Variants in ZDHHC14 observed in about 807,000 individuals in gnomAD.
ZDHHC14 encodes zDHHC palmitoyltransferase 14.
ZDHHC14 carries 16 observed loss-of-function variants against 47.7 expected under a neutral mutation model. That is an observed-to-expected ratio of 0.34 (90% CI 0.23 to 0.51). The LOEUF (loss-of-function observed/expected upper bound fraction) is 0.51, where lower values mean the gene tolerates loss of function less well. ZDHHC14 is among the 20% of genes least tolerant of loss of function. The probability of loss-of-function intolerance (pLI) is 0.97; values close to 1 mark genes in which losing one functional copy is unlikely to be tolerated. For synonymous variants in ZDHHC14, 293 were observed against 278.9 expected, an observed-to-expected ratio of 1.05 and a Z score of -0.50; for missense variants, 515 against 662.5, an observed-to-expected ratio of 0.78 and a Z score of 2.44.
chr6:157,567,923 A>G (rs1480097255), intron 2 of ZDHHC14, among the ~76,000 whole-genome samples: 1 of 152,220 alleles, frequency 6.6e-6, no homozygotes, highest in Admixed American at 6.5e-5. Flanking sequence ...TAGGGCTGCC[A>G]GAAGGCCAAG....
At chr6:157,414,546 A>G (rs962591813) in intron 1 of ZDHHC14, among the ~76,000 whole-genome samples, 24 of 152,196 alleles carry the variant, frequency 1.6e-4, no homozygotes, top group African/African-American at 5.8e-4. Context: ...CCAAGACAGT[A>G]TATGACTATG....
chr6:157,495,695 A>ATTTTTTTTTTTT lies in ZDHHC14; in HGVS notation c.246-46874_246-46863dup, dbSNP rs71027341. On this transcript the variant is annotated intron_variant, in intron 1 of 8. Transcript: ENST00000359775. ...GGAAATGTTGAGAAGTTCGGGTTGA[A>ATTTTTTTTTTTT]TTTTTTTTTTTTTTTTTTTTTTTTT... Among the ~76,000 whole-genome samples, 127 of 104,340 alleles carry ATTTTTTTTTTTT rather than the reference A, an allele frequency of 1.2e-3. 5 individuals are homozygous for ATTTTTTTTTTTT. Among genetic ancestry groups the ATTTTTTTTTTTT allele is most frequent in the African/African-American group, 2.1e-3 (57 of 27,730 alleles). 68.5% of individuals were successfully genotyped at this position (104,340 alleles called of 152,430 possible).
At chr6:157,577,068 T>C (rs1582967343) in intron 2 of ZDHHC14, among the ~76,000 whole-genome samples, 1 of 152,170 alleles carries the variant, frequency 6.6e-6, no homozygotes. Context: ...TTTGTGTCTG[T>C]GTGTTCTCAT....
chr6:157,593,041 G>A lies in ZDHHC14; in HGVS notation c.460G>A (p.Glu154Lys). Residue 154 changes from glutamate to lysine, a missense_variant, in exon 3 of 9, where the codon GAA becomes AAA. Transcript: ENST00000359775. Reference protein sequence around the residue: ...GGYRPPPRTKEVIINGQTVKL... With the variant: ...GGYRPPPRTKKVIINGQTVKL... ...GTACCGCCCGCCTCCCAGAACCAAA[G>A]AAGTCATCATCAATGGCCAGACCGT... 6.2e-7 allele frequency: 1 copy of A among 1,614,184 alleles called. No individual in the cohort carries two copies. Among genetic ancestry groups the A allele is most frequent in the Non-Finnish European group, 8.5e-7 (1 of 1,180,028 alleles).
At chr6:157,583,572 G>C (rs1315349446) in intron 2 of ZDHHC14, among the ~76,000 whole-genome samples, 1 of 152,026 alleles carries the variant, frequency 6.6e-6, no homozygotes, top group Admixed American at 6.6e-5. Context: ...GAAGTTTTGG[G>C]CTTTGATACA....
At chr6:157,446,316 T>C (rs1216695533) in intron 1 of ZDHHC14, among the ~76,000 whole-genome samples, 1 of 152,170 alleles carries the variant, frequency 6.6e-6, no homozygotes, top group Non-Finnish European at 1.5e-5. Flanking sequence ...ATGCAATCCA[T>C]TCCCAAAAAC....
chr6:157,480,242 T>C (rs1011927445), intron 1 of ZDHHC14, among the ~76,000 whole-genome samples: 2 of 151,308 alleles, frequency 1.3e-5, no homozygotes, highest in African/African-American at 2.4e-5. Flanking sequence ...AGGTTTTTTT[T>C]GTTGTTGTTG....
chr6:157,386,531 T>C (rs1777315218), intron 1 of ZDHHC14, among the ~76,000 whole-genome samples: 1 of 152,074 alleles, frequency 6.6e-6, no homozygotes, highest in African/African-American at 2.4e-5. Context: ...CCCAGAACAG[T>C]GAAGACAGTA....
intron 1 of ZDHHC14, among the ~76,000 whole-genome samples, chr6:157,455,806 C>T (rs1299829437): frequency 6.6e-6 from 1 of 152,216 alleles, no homozygotes; most frequent in Non-Finnish European, 1.5e-5. Flanking sequence ...AGCATTTTCT[C>T]TCAGATAAAG....
chr6:157,592,886 G>A (rs909075780), intron 2 of ZDHHC14, 102 bp from the exon 3 acceptor site: 50 of 1,498,198 alleles, frequency 3.3e-5, no homozygotes, highest in Middle Eastern at 2.2e-4. Context: ...CCTGCCAGCC[G>A]CTGTGCCTGC....
intron 1 of ZDHHC14, among the ~76,000 whole-genome samples, chr6:157,523,824 G>A (rs1002746652): frequency 9.2e-5 from 14 of 152,156 alleles, no homozygotes; most frequent in African/African-American, 1.4e-4. Flanking sequence ...TTGCTTGAGC[G>A]CAAGAAATGG....
intron 3 of ZDHHC14, among the ~76,000 whole-genome samples, chr6:157,626,909 G>T: frequency 6.6e-6 from 1 of 151,306 alleles, no homozygotes; most frequent in African/African-American, 2.4e-5. Flanking sequence ...GGCGGCGGGG[G>T]CAGCAACACA....
intron 3 of ZDHHC14, among the ~76,000 whole-genome samples, chr6:157,608,571 C>T (rs1320046554): frequency 2.0e-5 from 3 of 152,146 alleles, no homozygotes; most frequent in Non-Finnish European, 4.4e-5. Flanking sequence ...GTGCTGAGCC[C>T]GGGCAGGAGA....
intron 1 of ZDHHC14, among the ~76,000 whole-genome samples, chr6:157,452,530 T>C (rs1467011688): frequency 6.6e-6 from 1 of 152,180 alleles, no homozygotes; most frequent in Non-Finnish European, 1.5e-5. Flanking sequence ...TTAAAAACAG[T>C]TGTGTTCTGT....
chr6:157,515,960 C>T (rs139488745), intron 1 of ZDHHC14, among the ~76,000 whole-genome samples: 18 of 152,274 alleles, frequency 1.2e-4, no homozygotes, highest in South Asian at 4.2e-4. Flanking sequence ...ATCAGACTAA[C>T]GTAGCAAGCA....
intron 1 of ZDHHC14, among the ~76,000 whole-genome samples, chr6:157,398,594 C>G (rs965556674): frequency 1.2e-4 from 19 of 152,284 alleles, no homozygotes; most frequent in Admixed American, 9.2e-4. Flanking sequence ...CCCCTGCCCC[C>G]ACCAAGATAG....
intron 1 of ZDHHC14, among the ~76,000 whole-genome samples, chr6:157,478,539 G>A (rs1008806393): frequency 1.3e-5 from 2 of 152,150 alleles, no homozygotes; most frequent in Non-Finnish European, 2.9e-5. Context: ...GACCTTCCAT[G>A]GAGTAAATGA....
At chr6:157,549,700 A>G (rs1432010526) in intron 2 of ZDHHC14, among the ~76,000 whole-genome samples, 2 of 152,128 alleles carry the variant, frequency 1.3e-5, no homozygotes, top group Non-Finnish European at 2.9e-5. Context: ...ACAACTCAAA[A>G]TTATGGTATT....
At chr6:157,533,427 A>C (rs998647622) in intron 1 of ZDHHC14, among the ~76,000 whole-genome samples, 3 of 152,202 alleles carry the variant, frequency 2.0e-5, no homozygotes, top group African/African-American at 7.2e-5. Flanking sequence ...TGTGCAGCAC[A>C]GTCAGGGAAG....
Sources: gnomAD v4.1 joint callset for allele counts (sites outside exome capture counted in the v4.1 genomes callset) on GRCh38, gnomAD v4.1.1 for gene constraint, MANE v1.5 for transcripts, NCBI Gene and HGNC (gene_info 2026-07-23, HGNC 2026-07-21) for gene names.